PPARGC1A: variants seen among roughly 807,000 people sequenced by gnomAD.
PPARGC1A encodes PPARG coactivator 1 alpha.
Under a neutral mutation model 88.7 loss-of-function variants are expected in PPARGC1A, and 25 were observed. That is an observed-to-expected ratio of 0.28 (90% confidence interval 0.21 to 0.39). The LOEUF is 0.39. PPARGC1A is among the 10% of genes least tolerant of loss of function. PPARGC1A has a pLI of 1.00. For synonymous variants in PPARGC1A, 363 were observed against 355.6 expected (o/e 1.02, Z -0.24); for missense variants, 880 against 968.7 (o/e 0.91, Z 1.22).
chr4:23,822,464 T>C (rs1553881401), intron 7 of PPARGC1A, among the ~76,000 whole-genome samples: 1 of 152,116 alleles, frequency 6.6e-6, no homozygotes, highest in Non-Finnish European at 1.5e-5. Flanking sequence ...GTCAGTCCTT[T>C]AACTGCCTTT....
chr4:23,964,577 G>A, the PPARGC1A span, among the ~76,000 whole-genome samples: 4 of 152,158 alleles, frequency 2.6e-5, no homozygotes, highest in African/African-American at 9.7e-5. Context: ...ATATGCAGGT[G>A]GTATATGGAT....
chr4:23,992,215 G>A, the PPARGC1A span, among the ~76,000 whole-genome samples: 1 of 151,770 alleles, frequency 6.6e-6, no homozygotes, highest in Non-Finnish European at 1.5e-5. Flanking sequence ...TAGTACAGAA[G>A]GCAGGAACAC....
chr4:24,354,628 T>G, the PPARGC1A span, among the ~76,000 whole-genome samples: 5 of 152,154 alleles, frequency 3.3e-5, no homozygotes, highest in Non-Finnish European at 5.9e-5. Flanking sequence ...GGCTCACACC[T>G]GTAATCCCAG....
chr4:24,327,436 C>A, the PPARGC1A span, among the ~76,000 whole-genome samples: 1 of 152,204 alleles, frequency 6.6e-6, no homozygotes, highest in Non-Finnish European at 1.5e-5. Context: ...ATAATCTTTG[C>A]TGGCAGGACT....
the PPARGC1A span, among the ~76,000 whole-genome samples, chr4:24,403,792 T>G: frequency 6.6e-6 from 1 of 152,208 alleles, no homozygotes; most frequent in East Asian, 1.9e-4. Context: ...ATCTAAGGAA[T>G]TTTTAAAACC....
chr4:24,149,420 A>T, the PPARGC1A span, among the ~76,000 whole-genome samples: 2 of 152,160 alleles, frequency 1.3e-5, no homozygotes, highest in African/African-American at 4.8e-5. Flanking sequence ...TTAAAAAAAA[A>T]AATAAGTTGG....
chr4:23,884,379 T>C (rs1465392085), intron 2 of PPARGC1A: 1 of 268,136 alleles, frequency 3.7e-6, no homozygotes, highest in Non-Finnish European at 6.9e-6. Flanking sequence ...TCTTATTTAT[T>C]AATTTATATG....
At chr4:24,134,156 AC>A in the PPARGC1A span, among the ~76,000 whole-genome samples, 1 of 152,190 alleles carries the variant, frequency 6.6e-6, no homozygotes, top group African/African-American at 2.4e-5. Flanking sequence ...TCCTTCCGAT[AC>A]CTTTGCACCA....
intron 1 of PPARGC1A, among the ~76,000 whole-genome samples, chr4:23,888,180 C>G (rs181878805): frequency 2.4e-4 from 37 of 152,338 alleles, no homozygotes; most frequent in Admixed American, 2.1e-3. Flanking sequence ...CTTCTAGCAG[C>G]TAGCTGCCTA....
the PPARGC1A span, among the ~76,000 whole-genome samples, chr4:24,471,211 C>T: frequency 1.3e-5 from 2 of 151,918 alleles, no homozygotes; most frequent in African/African-American, 2.4e-5. This position sits in a 1 kb window ranked among gnomAD's most constrained non-coding sequence, Gnocchi z 5.4. Context: ...CCCGGGAATC[C>T]CCGGCGCCCT....
chr4:24,285,572 G>T, the PPARGC1A span, among the ~76,000 whole-genome samples: 5 of 152,306 alleles, frequency 3.3e-5, no homozygotes, highest in East Asian at 9.7e-4. Context: ...GCTTCAGAGA[G>T]GTTAAATGAC....
upstream of PPARGC1A, among the ~76,000 whole-genome samples, chr4:23,890,751 T>C (rs1717740845): frequency 6.6e-6 from 1 of 152,084 alleles, no homozygotes; most frequent in Non-Finnish European, 1.5e-5. Context: ...CAGTTTTCTT[T>C]GCTCCATATA....
chr4:24,342,309 A>G, the PPARGC1A span, among the ~76,000 whole-genome samples: 2 of 152,116 alleles, frequency 1.3e-5, no homozygotes, highest in African/African-American at 2.4e-5. Flanking sequence ...GCATACGTAT[A>G]TGTGTGGGTG....
At chr4:24,274,765 T>G in the PPARGC1A span, among the ~76,000 whole-genome samples, 2 of 152,160 alleles carry the variant, frequency 1.3e-5, no homozygotes, top group Non-Finnish European at 2.9e-5. Context: ...GCTACCCAGT[T>G]GCTCCCTTTT....
At chr4:24,250,655 G>A in the PPARGC1A span, among the ~76,000 whole-genome samples, 1 of 152,078 alleles carries the variant, frequency 6.6e-6, no homozygotes, top group Non-Finnish European at 1.5e-5. Flanking sequence ...AAGAGGAGGA[G>A]GAAAAAACTA....
chr4:24,277,713 C>T, the PPARGC1A span, among the ~76,000 whole-genome samples: 33 of 152,240 alleles, frequency 2.2e-4, no homozygotes, highest in African/African-American at 7.2e-4. Context: ...AAAAGACTAA[C>T]TTTGCAATCA....
At chr4:23,948,450 G>A in the PPARGC1A span, among the ~76,000 whole-genome samples, 3 of 152,132 alleles carry the variant, frequency 2.0e-5, no homozygotes, top group Non-Finnish European at 4.4e-5. Context: ...AGTTCTGAGA[G>A]GCAGGTACTG....
the PPARGC1A span, among the ~76,000 whole-genome samples, chr4:24,442,484 T>C: frequency 6.6e-6 from 1 of 152,214 alleles, no homozygotes; most frequent in Admixed American, 6.5e-5. Context: ...AAACCCCAGA[T>C]AAATTTAAGA....
At chr4:24,454,029 T>C in the PPARGC1A span, among the ~76,000 whole-genome samples, 1 of 152,002 alleles carries the variant, frequency 6.6e-6, no homozygotes, top group Non-Finnish European at 1.5e-5. Flanking sequence ...TCTTCTCCCT[T>C]ACTCTTCTTG....
Sources: allele counts gnomAD v4.1 joint callset (sites outside exome capture counted in the v4.1 genomes callset), GRCh38; gene constraint gnomAD v4.1.1; non-coding constraint Gnocchi (gnomAD v3.1); transcripts MANE v1.5; gene names NCBI Gene and HGNC (gene_info 2026-07-23, HGNC 2026-07-21).